The following CRHR2 variants were observed in gnomAD, a reference collection of about 807,000 sequenced individuals.
CRHR2 encodes the protein corticotropin-releasing hormone receptor 2.
A neutral mutation model predicts 57.9 loss-of-function variants in CRHR2; 53 were observed. The observed-to-expected ratio is 0.92, with a 90% confidence interval of 0.73 to 1.15. The LOEUF (loss-of-function observed/expected upper bound fraction) is 1.15, where lower values mean the gene tolerates loss of function less well. Among genes scored for constraint, CRHR2 ranks in the 50% most tolerant of loss-of-function variants. CRHR2 has a pLI of 0.00. For synonymous variants in CRHR2, 213 were observed against 220.9 expected (o/e 0.96, Z 0.32); for missense variants, 532 against 542.6 (o/e 0.98, Z 0.19).
At chr7:30,679,310 T>C (rs1472795470) in intron 2 of CRHR2, among the ~76,000 whole-genome samples, 2 of 152,228 alleles carry the variant, frequency 1.3e-5, no homozygotes, top group Non-Finnish European at 2.9e-5. Flanking sequence ...CCATGGTTAA[T>C]AGCGAGGGCT....
chr7:30,675,017 C>A (rs1053213666), intron 2 of CRHR2, among the ~76,000 whole-genome samples: 1 of 152,176 alleles, frequency 6.6e-6, no homozygotes, highest in South Asian at 2.1e-4. Context: ...GGGACTTGGA[C>A]AAGGAGGGCC....
At chr7:30,677,700 G>A (rs1354956598) in intron 2 of CRHR2, among the ~76,000 whole-genome samples, 4 of 152,138 alleles carry the variant, frequency 2.6e-5, no homozygotes, top group African/African-American at 9.7e-5. Context: ...GCACCTACCC[G>A]AGGGAATTAG....
intron 2 of CRHR2, chr7:30,688,971 C>T (rs1357521170): frequency 1.6e-6 from 1 of 644,004 alleles, no homozygotes; most frequent in East Asian, 3.1e-5. Flanking sequence ...GGAGTGGCCT[C>T]CCAGCCAAGC....
chr7:30,694,088 G>A (rs75823140), intron 1 of CRHR2, among the ~76,000 whole-genome samples: 2,697 of 152,274 alleles, frequency 0.018, 44 homozygotes, highest in East Asian at 0.069. Flanking sequence ...CACAGCAGGT[G>A]CTCAATAAAT....
In CRHR2 at chr7:30,665,288, G is replaced by A. The variant is rs567299682; in HGVS notation, c.426-101C>T. Reference sequence around the variant, plus strand: ...AGACTCAGCCTGGGATGAGGGCAGGGCTGCACTAGGAGCCACTTCCCACCC... The same window carrying A: ...AGACTCAGCCTGGGATGAGGGCAGGACTGCACTAGGAGCCACTTCCCACCC... On this transcript the variant is annotated intron_variant, in intron 4 of 11. Coordinates refer to ENST00000471646, the MANE Select transcript of CRHR2 (RefSeq NM_001883.5). The surrounding 1 kb of genome is among the most constrained non-coding windows in gnomAD (Gnocchi z 4.5). The A allele has an allele frequency of 1.9e-6, 2 of 1,059,190 alleles. No individual in the cohort carries two copies. Among genetic ancestry groups the A allele is most frequent in the South Asian group, 2.8e-5 (2 of 71,904 alleles). The allele number at this position is 1,059,190 out of a possible 1,614,324, so 65.6% of individuals were successfully genotyped here. A position where few individuals can be genotyped will look rare whatever the true frequency, so the allele number is the denominator to read the frequency against.
intron 2 of CRHR2, among the ~76,000 whole-genome samples, chr7:30,677,563 C>T (rs1784557852): frequency 2.6e-5 from 4 of 152,116 alleles, no homozygotes; most frequent in Admixed American, 2.6e-4. Flanking sequence ...TCGGAGAATC[C>T]TGGGGTAAGA....
chr7:30,674,114 C>T (rs974601017), intron 2 of CRHR2, among the ~76,000 whole-genome samples: 6 of 152,172 alleles, frequency 3.9e-5, no homozygotes, highest in African/African-American at 1.2e-4. Flanking sequence ...GGTGCCCTGC[C>T]ATCCTTAAGC....
intron 5 of CRHR2, among the ~76,000 whole-genome samples, chr7:30,664,363 T>C (rs1248424633): frequency 1.3e-5 from 2 of 152,230 alleles, no homozygotes; most frequent in Non-Finnish European, 2.9e-5. Flanking sequence ...GCCCCTTATG[T>C]AGAGGTATCA....
chr7:30,694,488 T>G (rs946097868), intron 1 of CRHR2, among the ~76,000 whole-genome samples: 1 of 152,200 alleles, frequency 6.6e-6, no homozygotes, highest in African/African-American at 2.4e-5. Context: ...CCCAGTCTAG[T>G]GTTCCCTCCA....
chr7:30,695,508 G>C (rs531477834), intron 1 of CRHR2, among the ~76,000 whole-genome samples: 2 of 151,862 alleles, frequency 1.3e-5, no homozygotes, highest in African/African-American at 2.4e-5. Context: ...CACCTGTGCC[G>C]AGCCCTGGGC....
chr7:30,693,875 G>A (rs1340047188), intron 1 of CRHR2, among the ~76,000 whole-genome samples: 1 of 152,232 alleles, frequency 6.6e-6, no homozygotes, highest in East Asian at 1.9e-4. Context: ...GTGTAAGAGT[G>A]TAGAGAAGAA....
At chr7:30,692,975 T>C (rs1784989483) in intron 1 of CRHR2, among the ~76,000 whole-genome samples, 1 of 152,028 alleles carries the variant, frequency 6.6e-6, no homozygotes, top group Non-Finnish European at 1.5e-5. Flanking sequence ...GGGTCACGGA[T>C]GCTGAGAGGG....
chr7:30,689,338 A>G, intron 1 of CRHR2: 1 of 1,424,620 alleles, frequency 7.0e-7, no homozygotes, highest in Non-Finnish European at 9.7e-7. Context: ...AGCCATTGAC[A>G]GTGCCTGTCT....
chr7:30,689,349 G>T, intron 1 of CRHR2: 2 of 1,310,084 alleles, frequency 1.5e-6, no homozygotes, highest in Non-Finnish European at 1.1e-6. Flanking sequence ...GTGCCTGTCT[G>T]CCCCCATCCT....
intron 2 of CRHR2, among the ~76,000 whole-genome samples, chr7:30,675,372 C>A (rs190856208): frequency 5.8e-4 from 88 of 152,336 alleles, no homozygotes; most frequent in Non-Finnish European, 9.7e-4. Flanking sequence ...ACTTAAGGAG[C>A]AGGTGGGAGG....
In CRHR2 at chr7:30,665,087, CTTCA is replaced by C; in HGVS notation, c.522_525del (p.His174GlnfsTer22). ...GCAATGACCTCATTGCTCTCGTGCA[CTTCA>C]TGGTCAACGAGCTGCAGCAGGAACC... is the stretch of plus-strand genomic sequence containing the variant. On this transcript the variant is annotated frameshift_variant, in exon 5 of 12. Coordinates refer to ENST00000471646, the MANE Select transcript of CRHR2 (RefSeq NM_001883.5). LOFTEE classifies it high-confidence loss of function. This position sits in a 1 kb window ranked among gnomAD's most constrained non-coding sequence, Gnocchi z 4.5. 6.2e-7 allele frequency: 1 copy of C among 1,613,980 alleles called. No individual in the cohort carries two copies. Among genetic ancestry groups the C allele is most frequent in the Non-Finnish European group, 8.5e-7 (1 of 1,179,982 alleles).
At chr7:30,663,013 C>T (rs1216603695) in intron 5 of CRHR2, among the ~76,000 whole-genome samples, 166 bp from the exon 6 acceptor site, 1 of 152,218 alleles carries the variant, frequency 6.6e-6, no homozygotes, top group African/African-American at 2.4e-5. Context: ...TTCTCCAGTG[C>T]TCTTTCACAC....
At chr7:30,698,959 C>CAACAGAT (rs1387505236) in intron 1 of CRHR2, among the ~76,000 whole-genome samples, 1 of 152,172 alleles carries the variant, frequency 6.6e-6, no homozygotes, top group Non-Finnish European at 1.5e-5. Flanking sequence ...GTTTTGTAGG[C>CAACAGAT]AATTATCTGT....
At chr7:30,654,896 C>T (rs1783720459) in intron 11 of CRHR2, 143 bp downstream of exon 11, 1 of 1,551,224 alleles carries the variant, frequency 6.4e-7, no homozygotes, top group Non-Finnish European at 8.7e-7. Context: ...GAGAAGGATT[C>T]CTGTTCCCCT....
Sources: allele counts gnomAD v4.1 joint callset (sites outside exome capture counted in the v4.1 genomes callset), GRCh38; gene constraint gnomAD v4.1.1; non-coding constraint Gnocchi (gnomAD v3.1); transcripts MANE v1.5; gene names NCBI Gene and HGNC (gene_info 2026-07-23, HGNC 2026-07-21).